Variants in ZSCAN32 observed in about 807,000 individuals in gnomAD.
ZSCAN32 encodes zinc finger and SCAN domain containing 32.
A neutral mutation model predicts 47.4 loss-of-function variants in ZSCAN32; 52 were observed. The ratio of observed to expected loss-of-function variants is 1.10; its 90% CI spans 0.88 to 1.38. The LOEUF is 1.38. ZSCAN32 is among the 40% of genes most tolerant of loss of function. The pLI, the probability that ZSCAN32 is intolerant of heterozygous loss-of-function variation, is 0.00. For synonymous variants in ZSCAN32, 346 were observed against 305.7 expected (o/e 1.13, Z -1.38); for missense variants, 959 against 846.0 (o/e 1.13, Z -1.66).
chr16:3,386,539 G>C (rs1266340499), intron 5 of ZSCAN32, among the ~76,000 whole-genome samples: 5 of 152,128 alleles, frequency 3.3e-5, no homozygotes, highest in East Asian at 1.9e-4. Context: ...TTGGAACCAA[G>C]CCAAATGTCC....
rs2033501695 is a variant in ZSCAN32 at position 3,397,625 on chromosome 16, C to A, written c.-68G>T. On this transcript the variant is annotated 5_prime_UTR_variant, in exon 2 of 7. The change abolishes an upstream ATG in the 5' untranslated region. Transcript: ENST00000396852. Reference sequence around the variant, plus strand: ...TGGAGATCAGAGTCCATCTTTCCCACATCACTGGGAAGCCATGTTCTCCTG... The same window carrying A: ...TGGAGATCAGAGTCCATCTTTCCCAAATCACTGGGAAGCCATGTTCTCCTG... 4 of 1,444,920 alleles carry A rather than the reference C, an allele frequency of 2.8e-6. No individual in the cohort carries two copies. The East Asian group carries it at 1.0e-4, about 36-fold the overall frequency. 89.5% of individuals were successfully genotyped at this position (1,444,920 alleles called of 1,614,324 possible).
At chr16:3,391,592 T>C (rs1055994488) in intron 3 of ZSCAN32, among the ~76,000 whole-genome samples, 3 of 147,468 alleles carry the variant, frequency 2.0e-5, no homozygotes, top group African/African-American at 5.1e-5. Flanking sequence ...GGCAAGAGAA[T>C]CACTTGAACC....
chr16:3,387,230 G>C (rs907599094), intron 5 of ZSCAN32, among the ~76,000 whole-genome samples: 1 of 152,150 alleles, frequency 6.6e-6, no homozygotes, highest in African/African-American at 2.4e-5. Context: ...TCCTGAGGGT[G>C]GCCACATAAG....
chr16:3,397,462 G>A lies in ZSCAN32; in HGVS notation c.96C>T (p.Asp32=), dbSNP rs1380762483. 6 of 1,550,654 alleles carry A rather than the reference G, an allele frequency of 3.9e-6. No individual in the cohort carries two copies. The African/African-American group carries it at 4.1e-5, about 11-fold the overall frequency. Residue 32 remains aspartate, a synonymous_variant, in exon 2 of 7, where the codon GAC becomes GAT. Coordinates refer to ENST00000396852, the MANE Select transcript of ZSCAN32 (RefSeq NM_001284527.2). ...TGAAGCGCTGACGGGAGGCCTCGGAGTCAGGGCTGTTACCCTGGAGGGCTG... is the reference window on the plus strand; with the variant it reads ...TGAAGCGCTGACGGGAGGCCTCGGAATCAGGGCTGTTACCCTGGAGGGCTG... ...QKSALQGNSP[D]SEASRQRFRQ...
Position 3,400,136 on chromosome 16 carries a change from T to A in ZSCAN32, c.-188+809A>T, listed in dbSNP as rs144189256. 8.2e-3 allele frequency among the ~76,000 whole-genome samples: 1,244 copies of A among 152,336 alleles called. 25 individuals are homozygous for A. Among genetic ancestry groups the A allele is most frequent in the African/African-American group, 0.029 (1,197 of 41,586 alleles). On this transcript the variant is annotated intron_variant, in intron 1 of 6. Transcript: ENST00000396852. Reference sequence around the variant, plus strand: ...AAATTAAAGAAATTTTTTTATATTTTAAAAATGGATTTGGGTTCCCTTTTC... The same window carrying A: ...AAATTAAAGAAATTTTTTTATATTTAAAAAATGGATTTGGGTTCCCTTTTC...
chr16:3,393,201 T>TA lies in ZSCAN32; in HGVS notation c.532+447_532+448insT, dbSNP rs1491322244. 3.5e-4 allele frequency among the ~76,000 whole-genome samples: 8 copies of TA among 23,072 alleles called. No individual in the cohort carries two copies. The East Asian group carries it at 6.9e-3, about 20-fold the overall frequency. The allele number at this position is 23,072 out of a possible 152,430, so 15.1% of individuals were successfully genotyped here. Reference sequence around the variant, plus strand: ...ATATATTTCTATATTTATATATATATTTATATTTATATATATATATATATA... The same window carrying TA: ...ATATATTTCTATATTTATATATATATATTATATTTATATATATATATATATA... On this transcript the variant is annotated intron_variant, in intron 3 of 6. Coordinates refer to ENST00000396852, the MANE Select transcript of ZSCAN32 (RefSeq NM_001284527.2).
At chr16:3,389,676 G>A (rs2074366) in intron 5 of ZSCAN32, among the ~76,000 whole-genome samples, 65,976 of 151,998 alleles carry the variant, frequency 0.43, 16,235 homozygotes, top group East Asian at 0.63. Flanking sequence ...GTGCATGAGC[G>A]CACATTCAGC....
intron 3 of ZSCAN32, 109 bp from the exon 4 acceptor site, chr16:3,390,626 C>T: frequency 1.2e-6 from 1 of 842,698 alleles, no homozygotes; most frequent in Non-Finnish European, 1.8e-6. Flanking sequence ...CCCTGGCAAC[C>T]CATCAGAAAT....
intron 2 of ZSCAN32, among the ~76,000 whole-genome samples, chr16:3,394,953 G>T (rs1488019837): frequency 2.0e-5 from 3 of 152,150 alleles, no homozygotes; most frequent in African/African-American, 7.2e-5. Context: ...CAACACTCCA[G>T]TTATCACATC....
Position 3,397,173 on chromosome 16 carries a change from TC to T in ZSCAN32, c.366+18del, listed in dbSNP as rs751797989. The T allele has an allele frequency of 6.7e-7, 1 of 1,490,228 alleles. No homozygotes were observed. 92.3% of individuals were successfully genotyped at this position (1,490,228 alleles called of 1,614,324 possible). A position where few individuals can be genotyped will look rare whatever the true frequency, so the allele number is the denominator to read the frequency against. On this transcript the variant is annotated intron_variant, in intron 2 of 6. Coordinates refer to ENST00000396852, the MANE Select transcript of ZSCAN32 (RefSeq NM_001284527.2). ...AACTTCATAACCAAAACCACAAAGT[TC>T]CGACTTCCTTTTCTCACCTGTTGTC...
intron 1 of ZSCAN32, among the ~76,000 whole-genome samples, chr16:3,399,248 G>T (rs1483976410): frequency 6.6e-6 from 1 of 152,136 alleles, no homozygotes; most frequent in Admixed American, 6.6e-5. Flanking sequence ...CCTCTCATTG[G>T]TTCTGGTGGG....
chr16:3,390,253 T>C (rs2032520243), intron 4 of ZSCAN32, 120 bp from the exon 5 acceptor site: 1 of 1,447,190 alleles, frequency 6.9e-7, no homozygotes, highest in African/African-American at 1.4e-5. Flanking sequence ...GGAGGTCAGC[T>C]CCCAGTGGGA....
In ZSCAN32 at chr16:3,390,092, C is replaced by T; in HGVS notation, c.669G>A (p.Gln223=). The change falls in exon 5 of 7, where the codon CAG becomes CAA. Residue 223 remains glutamine, a synonymous_variant. Coordinates refer to ENST00000396852, the MANE Select transcript of ZSCAN32 (RefSeq NM_001284527.2). ...MRDNRAVSLC[Q]QEWMCPGPAQ... ...CAGGGCCTGGGCACATCCATTCTTG[C>T]TGACAGAGGGATACAGCTCTGTTGT... 6.2e-7 allele frequency: 1 copy of T among 1,613,866 alleles called. No homozygotes were observed. The highest frequency in any genetic ancestry group is 2.2e-5 in the East Asian group (1 of 44,874).
At position 3,384,577 on chromosome 16, in the gene ZSCAN32, T is replaced by A. The variant is rs761951250; in HGVS notation, c.1116A>T (p.Glu372Asp). ...EAGELNHQNG[E>D]PTEVEDGTVD... ...CAGTGCCATCTTCTACCTCCGTGGGTTCCCCATTCTGGTGATTCAGCTCTC... is the reference window on the plus strand; with the variant it reads ...CAGTGCCATCTTCTACCTCCGTGGGATCCCCATTCTGGTGATTCAGCTCTC... Residue 372 changes from glutamate (E) to aspartate (D), a missense_variant, in exon 6 of 7, where the codon GAA (glutamate) becomes GAT (aspartate). Glu to Asp is a conservative substitution (Grantham distance 45). Transcript: ENST00000396852. 3.1e-6 allele frequency: 5 copies of A among 1,614,176 alleles called. No individual in the cohort carries two copies. In the South Asian group the frequency reaches 5.5e-5, roughly 18 times the overall value.
At chr16:3,393,037 T>A (rs934761870) in intron 3 of ZSCAN32, among the ~76,000 whole-genome samples, 3 of 147,368 alleles carry the variant, frequency 2.0e-5, no homozygotes, top group African/African-American at 7.6e-5. Flanking sequence ...ACCTGATTCT[T>A]TAGTAACAGA....
chr16:3,387,656 G>A (rs1158384651), intron 5 of ZSCAN32, among the ~76,000 whole-genome samples: 1 of 152,168 alleles, frequency 6.6e-6, no homozygotes, highest in African/African-American at 2.4e-5. Flanking sequence ...ATCACCTCAT[G>A]CCTGGATCAC....
In ZSCAN32 at chr16:3,397,371, AAC is replaced by A; in HGVS notation, c.185_186del (p.Cys62LeufsTer51). ...TGGGTCTTCGGCCTCAGCCACTGAC[AAC>A]AGAGTTCCCAGAGTTTGCTAAAAGC... is the stretch of plus-strand genomic sequence containing the variant. ...HEAFSKLWEL[C>X]CQWLRPKTHS... On this transcript the variant is annotated frameshift_variant, in exon 2 of 7. Transcript: ENST00000396852. LOFTEE classifies it high-confidence loss of function. 6.4e-7 allele frequency: 1 copy of A among 1,556,434 alleles called. No homozygotes were observed. Among genetic ancestry groups the A allele is most frequent in the Non-Finnish European group, 8.7e-7 (1 of 1,150,322 alleles).
chr16:3,400,726 G>A (rs2033821608), intron 1 of ZSCAN32, among the ~76,000 whole-genome samples: 1 of 152,220 alleles, frequency 6.6e-6, no homozygotes. Context: ...CCGGGGCGCC[G>A]GCGCTCAGGC....
At chr16:3,395,607 A>T (rs1456564301) in intron 2 of ZSCAN32, among the ~76,000 whole-genome samples, 1 of 152,192 alleles carries the variant, frequency 6.6e-6, no homozygotes, top group Non-Finnish European at 1.5e-5. Flanking sequence ...TAAATTATCC[A>T]GTCTCGGGTA....
Sources: allele counts gnomAD v4.1 joint callset (sites outside exome capture counted in the v4.1 genomes callset), GRCh38; gene constraint gnomAD v4.1.1; transcripts MANE v1.5; gene names NCBI Gene and HGNC (gene_info 2026-07-23, HGNC 2026-07-21).